The following MAPK10 variants were observed in gnomAD, a reference collection of about 807,000 sequenced individuals.
MAPK10 encodes mitogen-activated protein kinase 10, also known as JNK3 alpha protein kinase.
MAPK10 carries 25 observed loss-of-function variants against 59.3 expected under a neutral mutation model. The ratio of observed to expected loss-of-function variants is 0.42; its 90% CI spans 0.31 to 0.59. The LOEUF is 0.59. MAPK10 is among the 20% of genes least tolerant of loss of function. The probability of loss-of-function intolerance (pLI) is 0.15; values close to 1 mark genes in which losing one functional copy is unlikely to be tolerated. For missense variants in MAPK10, 351 were observed against 568.9 expected, an observed-to-expected ratio of 0.62 and a Z score of 3.90; for synonymous variants, 190 against 200.5, an observed-to-expected ratio of 0.95 and a Z score of 0.44.
intron 2 of MAPK10, among the ~76,000 whole-genome samples, chr4:86,339,605 C>T (rs1723676308): frequency 6.6e-6 from 1 of 152,292 alleles, no homozygotes; most frequent in East Asian, 1.9e-4. Context: ...TGGATAAATG[C>T]ACAGATTTTG....
chr4:86,075,478 T>C (rs1468528421), intron 9 of MAPK10, among the ~76,000 whole-genome samples: 1 of 152,214 alleles, frequency 6.6e-6, no homozygotes, highest in Non-Finnish European at 1.5e-5. Flanking sequence ...CTCTGCGTTT[T>C]AGAGTTTCCA....
At chr4:86,297,069 T>G (rs2095378315) in intron 2 of MAPK10, among the ~76,000 whole-genome samples, 1 of 152,124 alleles carries the variant, frequency 6.6e-6, no homozygotes. Context: ...AAATTAGCAT[T>G]TCTAACAAAT....
intron 2 of MAPK10, among the ~76,000 whole-genome samples, chr4:86,331,141 G>A (rs1253661746): frequency 6.6e-6 from 1 of 152,154 alleles, no homozygotes; most frequent in Non-Finnish European, 1.5e-5. Context: ...AAGCTGAAAA[G>A]GGAAGTATGA....
intron 1 of MAPK10, among the ~76,000 whole-genome samples, chr4:86,372,580 A>G (rs1238343889): frequency 6.8e-6 from 1 of 146,480 alleles, no homozygotes; most frequent in Non-Finnish European, 1.5e-5. Context: ...AAAGAAAAGA[A>G]AAGAAAAGAA....
intron 2 of MAPK10, among the ~76,000 whole-genome samples, chr4:86,196,167 T>C (rs2081267065): frequency 6.6e-6 from 1 of 152,230 alleles, no homozygotes; most frequent in Non-Finnish European, 1.5e-5. Flanking sequence ...ATGGTTGCAC[T>C]AATTTACACT....
At chr4:86,572,910 T>C (rs1761576049) in intron 1 of MAPK10, among the ~76,000 whole-genome samples, 1 of 152,224 alleles carries the variant, frequency 6.6e-6, no homozygotes, top group Non-Finnish European at 1.5e-5. Flanking sequence ...GTGAATATCA[T>C]GTGTTTATTT....
intron 2 of MAPK10, among the ~76,000 whole-genome samples, chr4:86,237,384 C>G (rs185793492): frequency 6.6e-6 from 1 of 152,244 alleles, no homozygotes; most frequent in Non-Finnish European, 1.5e-5. Flanking sequence ...AATGAGATTG[C>G]TGGGTCAAAT....
chr4:86,107,668 G>A, intron 4 of MAPK10: 2 of 1,002,690 alleles, frequency 2.0e-6, no homozygotes, highest in Non-Finnish European at 2.4e-6. Flanking sequence ...CAGTGAGTGG[G>A]TGGAATAAAG....
At chr4:86,571,290 GA>G (rs1761428489) in intron 1 of MAPK10, among the ~76,000 whole-genome samples, 1 of 146,496 alleles carries the variant, frequency 6.8e-6, no homozygotes, top group Non-Finnish European at 1.5e-5. Context: ...TTACTGGATA[GA>G]TACATGTATA....
chr4:86,318,242 G>C (rs934537158), intron 2 of MAPK10, among the ~76,000 whole-genome samples: 1 of 152,060 alleles, frequency 6.6e-6, no homozygotes, highest in Admixed American at 6.6e-5. Context: ...AACCTATTCA[G>C]GGTTGATTTT....
chr4:86,581,890 CTATATATATTA>C (rs1468310242), intron 1 of MAPK10, among the ~76,000 whole-genome samples: 1 of 108,332 alleles, frequency 9.2e-6, no homozygotes, highest in African/African-American at 3.7e-5. Context: ...ACACTTTAAG[CTATATATATTA>C]TATATATATA....
At chr4:86,273,040 T>C (rs2094478183) in intron 2 of MAPK10, among the ~76,000 whole-genome samples, 1 of 152,078 alleles carries the variant, frequency 6.6e-6, no homozygotes, top group African/African-American at 2.4e-5. Context: ...GCAGCACTTT[T>C]TAAAATGCTA....
At chr4:86,425,861 C>T (rs543185509) in intron 1 of MAPK10, among the ~76,000 whole-genome samples, 1 of 152,272 alleles carries the variant, frequency 6.6e-6, no homozygotes, top group South Asian at 2.1e-4. Flanking sequence ...ATCCCAGCTA[C>T]TCAGGAGGCT....
chr4:86,381,972 C>T (rs987498760), intron 1 of MAPK10, among the ~76,000 whole-genome samples: 4 of 152,204 alleles, frequency 2.6e-5, no homozygotes, highest in Middle Eastern at 3.4e-3. Flanking sequence ...TGTTTTTCCT[C>T]CCTCCTCAGG....
chr4:86,207,005 A>G (rs1323243057), intron 2 of MAPK10, among the ~76,000 whole-genome samples: 2 of 151,638 alleles, frequency 1.3e-5, no homozygotes, highest in Non-Finnish European at 2.9e-5. Flanking sequence ...TTGCCTGTTC[A>G]CTCTGATAGT....
intron 11 of MAPK10, among the ~76,000 whole-genome samples, chr4:86,043,818 A>T (rs1036931867): frequency 6.6e-6 from 1 of 152,164 alleles, no homozygotes; most frequent in African/African-American, 2.4e-5. Context: ...CATTCGTAGA[A>T]AGTGGATTTT....
At chr4:86,471,019 C>T (rs1249920814) in intron 1 of MAPK10, among the ~76,000 whole-genome samples, 1 of 151,922 alleles carries the variant, frequency 6.6e-6, no homozygotes, top group Non-Finnish European at 1.5e-5. Flanking sequence ...ACCTGTAATC[C>T]CAGCACTTTG....
intron 2 of MAPK10, among the ~76,000 whole-genome samples, chr4:86,340,770 C>T (rs1724433271): frequency 1.3e-5 from 2 of 152,142 alleles, no homozygotes; most frequent in Admixed American, 6.6e-5. Flanking sequence ...CTCCCTTCTG[C>T]TATGTTCATC....
In MAPK10 at chr4:86,212,279, AG is replaced by A. The variant is rs201304699; in HGVS notation, c.-6-17873del. ...ATATTTGTGCATCTAGCACTTTGGG[AG>A]GCTGAGGTGGGAGGATCTCTTCAGG... On this transcript the variant is annotated intron_variant, in intron 2 of 13. Transcript: ENST00000641462. Among the ~76,000 whole-genome samples, 1,333 of 152,258 alleles carry A rather than the reference AG, an allele frequency of 8.8e-3. 8 individuals are homozygous for A. The highest frequency in any genetic ancestry group is 0.034 in the Middle Eastern group (10 of 294).
Sources: gnomAD v4.1 joint callset for allele counts (sites outside exome capture counted in the v4.1 genomes callset) on GRCh38, gnomAD v4.1.1 for gene constraint, MANE v1.5 for transcripts, NCBI Gene and HGNC (gene_info 2026-07-23, HGNC 2026-07-21) for gene names.